The following SGPP2 variants were observed in gnomAD, a reference collection of about 807,000 sequenced individuals.
SGPP2 encodes sphingosine-1-phosphate phosphatase 2.
A neutral mutation model predicts 33.9 loss-of-function variants in SGPP2; 30 were observed. That is an observed-to-expected ratio of 0.89 (90% CI 0.66 to 1.20). SGPP2 has a LOEUF of 1.20. Ranked by LOEUF, SGPP2 falls within the 50% of genes most tolerant of loss-of-function variation. The pLI is 0.00. For synonymous variants in SGPP2, 233 were observed against 225.0 expected, an observed-to-expected ratio of 1.04 and a Z score of -0.32; for missense variants, 458 against 532.1, an observed-to-expected ratio of 0.86 and a Z score of 1.37.
intron 2 of SGPP2, among the ~76,000 whole-genome samples, chr2:222,508,019 G>T (rs569902269): frequency 6.6e-6 from 1 of 152,234 alleles, no homozygotes; most frequent in East Asian, 1.9e-4. Flanking sequence ...GAAGACACTC[G>T]TTCCCTCAGT....
At chr2:222,512,547 T>C (rs1432919723) in intron 2 of SGPP2, among the ~76,000 whole-genome samples, 1 of 152,198 alleles carries the variant, frequency 6.6e-6, no homozygotes, top group Non-Finnish European at 1.5e-5. Context: ...TTATGGGTTT[T>C]GACAAATGTA....
chr2:222,555,783 A>G (rs1689386176), intron 4 of SGPP2, among the ~76,000 whole-genome samples: 1 of 152,220 alleles, frequency 6.6e-6, no homozygotes, highest in Non-Finnish European at 1.5e-5. Flanking sequence ...TTTCAGGGTA[A>G]CATTAATAAA....
chr2:222,515,095 G>A (rs142295988), intron 2 of SGPP2, among the ~76,000 whole-genome samples: 1 of 148,044 alleles, frequency 6.8e-6, no homozygotes, highest in African/African-American at 2.5e-5. Flanking sequence ...TACTGCATCT[G>A]TTACCTGGAT....
intron 2 of SGPP2, among the ~76,000 whole-genome samples, chr2:222,485,971 C>G (rs965975224): frequency 1.3e-5 from 2 of 152,236 alleles, no homozygotes; most frequent in African/African-American, 4.8e-5. Flanking sequence ...GCTGTTATTG[C>G]TTCTCTTCCC....
At chr2:222,533,330 A>G (rs1698866255) in intron 4 of SGPP2, among the ~76,000 whole-genome samples, 1 of 152,146 alleles carries the variant, frequency 6.6e-6, no homozygotes, top group Non-Finnish European at 1.5e-5. Flanking sequence ...TCAAAACTCT[A>G]ACATATGGAG....
At chr2:222,549,052 G>A (rs892156570) in intron 4 of SGPP2, among the ~76,000 whole-genome samples, 3 of 152,184 alleles carry the variant, frequency 2.0e-5, no homozygotes, top group African/African-American at 7.2e-5. Context: ...CAAAGAAGTG[G>A]GTCTTGGCTT....
chr2:222,520,855 G>C (rs1205947912), intron 2 of SGPP2, among the ~76,000 whole-genome samples: 1 of 151,942 alleles, frequency 6.6e-6, no homozygotes, highest in Non-Finnish European at 1.5e-5. Flanking sequence ...GACTTCCTGG[G>C]CTCAAGCAAT....
chr2:222,488,996 C>T (rs939455421), intron 2 of SGPP2, among the ~76,000 whole-genome samples: 3 of 152,176 alleles, frequency 2.0e-5, no homozygotes, highest in African/African-American at 7.2e-5. Context: ...TTTCCAAAAA[C>T]ACTGTAACTT....
At chr2:222,492,315 C>T (rs535838772) in intron 2 of SGPP2, among the ~76,000 whole-genome samples, 9 of 152,344 alleles carry the variant, frequency 5.9e-5, no homozygotes, top group East Asian at 5.8e-4. Flanking sequence ...GACATCCAGG[C>T]AGTCCCATAC....
intron 2 of SGPP2, among the ~76,000 whole-genome samples, chr2:222,486,264 A>G (rs772608136): frequency 1.1e-4 from 16 of 152,144 alleles, no homozygotes; most frequent in Non-Finnish European, 2.4e-4. Flanking sequence ...CTCTCTGGAC[A>G]TCTGCCCTCC....
intron 4 of SGPP2, among the ~76,000 whole-genome samples, chr2:222,555,247 G>A (rs1234005574): frequency 6.6e-6 from 1 of 152,044 alleles, no homozygotes; most frequent in East Asian, 1.9e-4. Flanking sequence ...ACCCATTCAG[G>A]GGCATTGGGG....
At chr2:222,424,189 A>T (rs1248305405), upstream of SGPP2, among the ~76,000 whole-genome samples, 5 of 138,374 alleles carry the variant, frequency 3.6e-5, no homozygotes, top group Non-Finnish European at 6.1e-5. Context: ...GCCCAAAAGG[A>T]TGGGCTAATG....
chr2:222,524,035 T>C (rs1197864644), intron 3 of SGPP2, among the ~76,000 whole-genome samples: 2 of 152,166 alleles, frequency 1.3e-5, no homozygotes, highest in East Asian at 3.8e-4. Context: ...AGGCAGATCA[T>C]TTCACCTCTC....
At chr2:222,424,865 T>C in intron 1 of SGPP2, 44 bp downstream of exon 1, 1 of 1,276,308 alleles carries the variant, frequency 7.8e-7, no homozygotes, top group Non-Finnish European at 9.9e-7. Context: ...AGGGGGCGGC[T>C]GCGGACGTGC....
chr2:222,452,670 A>G, intron 1 of SGPP2: 1 of 1,385,112 alleles, frequency 7.2e-7, no homozygotes, highest in Non-Finnish European at 1.0e-6. Flanking sequence ...CCAGGACTGG[A>G]TGTTCAGGCT....
intron 2 of SGPP2, among the ~76,000 whole-genome samples, chr2:222,499,953 G>T (rs1698342486): frequency 2.0e-5 from 3 of 152,104 alleles, no homozygotes; most frequent in Admixed American, 2.0e-4. Flanking sequence ...TCTCACCTTG[G>T]GCCTGACTAG....
At chr2:222,435,298 A>G (rs1210580991) in intron 1 of SGPP2, among the ~76,000 whole-genome samples, 1 of 152,054 alleles carries the variant, frequency 6.6e-6, no homozygotes, top group Non-Finnish European at 1.5e-5. Context: ...CTGCCTGCTT[A>G]TATTCTAGCT....
At chr2:222,441,652 T>G (rs1339925657) in intron 1 of SGPP2, among the ~76,000 whole-genome samples, 3 of 152,182 alleles carry the variant, frequency 2.0e-5, no homozygotes, top group Non-Finnish European at 4.4e-5. Flanking sequence ...TTACTTGTAA[T>G]TTTCTGTATA....
chr2:222,453,599 A>G (rs974485906), intron 1 of SGPP2, among the ~76,000 whole-genome samples: 1 of 152,160 alleles, frequency 6.6e-6, no homozygotes, highest in African/African-American at 2.4e-5. Flanking sequence ...AAATGTGATG[A>G]TCTACTTTCA....
Sources: allele counts gnomAD v4.1 joint callset (sites outside exome capture counted in the v4.1 genomes callset), GRCh38; gene constraint gnomAD v4.1.1; transcripts MANE v1.5; gene names NCBI Gene and HGNC (gene_info 2026-07-23, HGNC 2026-07-21).